Variants in ADGRL3 observed in about 807,000 individuals in gnomAD.
ADGRL3 encodes adhesion G protein-coupled receptor L3, also known as calcium-independent alpha-latrotoxin receptor 3.
In ADGRL3, 62 loss-of-function variants were observed where a neutral mutation model predicts 153.5. The ratio of observed to expected loss-of-function variants is 0.40; its 90% confidence interval spans 0.33 to 0.50. The LOEUF (loss-of-function observed/expected upper bound fraction) is 0.50. Ranked by LOEUF, ADGRL3 falls within the 20% of genes least tolerant of loss-of-function variation. ADGRL3 has a pLI of 0.47. For missense variants in ADGRL3, 1,641 were observed against 1,859.4 expected (o/e 0.88, Z 2.16); for synonymous variants, 710 against 672.5 (o/e 1.06, Z -0.86).
chr4:62,008,148 A>G (rs1197309025), intron 21 of ADGRL3, among the ~76,000 whole-genome samples: 1 of 152,122 alleles, frequency 6.6e-6, no homozygotes, highest in East Asian at 1.9e-4. Context: ...ACCACAGGTA[A>G]AGACAATCTT....
chr4:62,026,909 A>T (rs1299550182), intron 21 of ADGRL3, among the ~76,000 whole-genome samples: 1 of 152,094 alleles, frequency 6.6e-6, no homozygotes, highest in Non-Finnish European at 1.5e-5. Context: ...ATCCCATAGC[A>T]TCATGCTGTG....
At chr4:61,708,122 C>A (rs1485649867) in intron 6 of ADGRL3, among the ~76,000 whole-genome samples, 2 of 152,036 alleles carry the variant, frequency 1.3e-5, no homozygotes, top group African/African-American at 4.8e-5. Flanking sequence ...TTACCGTCTT[C>A]TTTTTGTTTA....
At chr4:62,044,871 C>T (rs902093966) in intron 25 of ADGRL3, among the ~76,000 whole-genome samples, 6 of 151,982 alleles carry the variant, frequency 3.9e-5, no homozygotes, top group African/African-American at 1.4e-4. Context: ...GCTGTATAGT[C>T]GGCTAAGCAT....
At position 61,932,188 on chromosome 4, in the gene ADGRL3, C is replaced by T. The variant is rs560565178; in HGVS notation, c.2113-2652C>T. Among the ~76,000 whole-genome samples, 51 of 151,984 alleles carry T rather than the reference C, an allele frequency of 3.4e-4. No individual in the cohort carries two copies. The South Asian group carries it at 4.2e-3, about 12-fold the overall frequency. Reference sequence around the variant, plus strand: ...TTTGGATGCCTATTATTATTATTACCTAATTGCTCTGGCTAAGGACTTCAA... The same window carrying T: ...TTTGGATGCCTATTATTATTATTACTTAATTGCTCTGGCTAAGGACTTCAA... On this transcript the variant is annotated intron_variant, in intron 13 of 26. Coordinates refer to ENST00000683033, the MANE Select transcript of ADGRL3 (RefSeq NM_001387552.1).
At chr4:61,987,980 C>A (rs925847463) in intron 19 of ADGRL3, among the ~76,000 whole-genome samples, 5 of 151,486 alleles carry the variant, frequency 3.3e-5, no homozygotes, top group African/African-American at 1.2e-4. Context: ...ATTAATGGTA[C>A]GAGATAAAAT....
chr4:61,724,242 T>A (rs1420611242), intron 6 of ADGRL3, among the ~76,000 whole-genome samples: 1 of 152,204 alleles, frequency 6.6e-6, no homozygotes, highest in African/African-American at 2.4e-5. Context: ...ACTTTAAGTA[T>A]TACCAATAAT....
At chr4:61,291,994 A>G (rs970342411) in intron 1 of ADGRL3, among the ~76,000 whole-genome samples, 5 of 150,882 alleles carry the variant, frequency 3.3e-5, no homozygotes, top group Non-Finnish European at 1.5e-5. Flanking sequence ...TTAAAAAGTC[A>G]TGGCATTTTT....
intron 1 of ADGRL3, among the ~76,000 whole-genome samples, chr4:61,381,053 T>A (rs796934031): frequency 1.1e-4 from 17 of 152,104 alleles, no homozygotes; most frequent in African/African-American, 3.9e-4. Flanking sequence ...TATGTAAGCC[T>A]GTCCTTGGTT....
chr4:61,779,818 C>T (rs1418862329), intron 8 of ADGRL3, among the ~76,000 whole-genome samples: 1 of 151,966 alleles, frequency 6.6e-6, no homozygotes, highest in Admixed American at 6.6e-5. Flanking sequence ...TTCTGAATCT[C>T]CTAATGACTA....
intron 4 of ADGRL3, among the ~76,000 whole-genome samples, chr4:61,561,617 T>C (rs980827865): frequency 1.3e-5 from 2 of 152,052 alleles, no homozygotes; most frequent in East Asian, 1.9e-4. Context: ...TAAGTGAATA[T>C]TGGTTAAATC....
chr4:61,954,746 C>T (rs1337078432), intron 17 of ADGRL3, among the ~76,000 whole-genome samples: 1 of 152,106 alleles, frequency 6.6e-6, no homozygotes, highest in African/African-American at 2.4e-5. Flanking sequence ...ACAAGGACAG[C>T]GCTTGCCAAG....
chr4:61,947,059 C>G lies in ADGRL3; in HGVS notation c.2565C>G (p.Asn855Lys), dbSNP rs1467051908. ...CCCCTGTTATTACGGCAGCAATAAA[C>G]AAAGAGTTCAGTAACAAGGTTTATT... ...VNSPVITAAI[N>K]KEFSNKVYLA... The change falls in exon 16 of 27, where the codon AAC (asparagine) becomes AAG (lysine). Residue 855 changes from asparagine (N) to lysine (K), a missense_variant. This residue lies in a region of ADGRL3 where 734 missense variants were observed against 797.0 expected (regional missense o/e 0.92). Coordinates refer to ENST00000683033, the MANE Select transcript of ADGRL3 (RefSeq NM_001387552.1). The G allele has an allele frequency of 6.2e-7, 1 of 1,613,712 alleles. No individual in the cohort carries two copies. The highest frequency in any genetic ancestry group is 1.1e-5 in the South Asian group (1 of 91,074).
chr4:61,566,209 T>A (rs79401477), intron 4 of ADGRL3, among the ~76,000 whole-genome samples: 6,679 of 152,262 alleles, frequency 0.044, 464 homozygotes, highest in African/African-American at 0.15. Context: ...TGCTCAGGGC[T>A]ATGAAGACAA....
intron 20 of ADGRL3, 31 bp downstream of exon 20, chr4:61,996,388 C>A (rs772610182): frequency 7.4e-6 from 11 of 1,490,330 alleles, no homozygotes; most frequent in Non-Finnish European, 1.0e-5. Flanking sequence ...ATGTGTTTCC[C>A]AGATCAAGAA....
intron 6 of ADGRL3, among the ~76,000 whole-genome samples, chr4:61,710,683 T>C (rs972459294): frequency 6.6e-6 from 1 of 152,186 alleles, no homozygotes; most frequent in Admixed American, 6.5e-5. Context: ...CACATCTAAA[T>C]GTCAGAATCT....
At chr4:61,306,328 G>A (rs567877305) in intron 1 of ADGRL3, among the ~76,000 whole-genome samples, 19 of 152,092 alleles carry the variant, frequency 1.2e-4, no homozygotes, top group Admixed American at 3.3e-4. Flanking sequence ...TCAAACTCCT[G>A]ACCTTGTGAT....
intron 1 of ADGRL3, among the ~76,000 whole-genome samples, chr4:61,342,992 GCAGA>G (rs1338733505): frequency 6.6e-6 from 1 of 152,170 alleles, no homozygotes; most frequent in Non-Finnish European, 1.5e-5. Context: ...TCACATGGCA[GCAGA>G]CAAAGAGAGA....
intron 9 of ADGRL3, among the ~76,000 whole-genome samples, chr4:61,838,790 TA>T (rs1258523800): frequency 1.3e-5 from 2 of 152,240 alleles, no homozygotes; most frequent in African/African-American, 4.8e-5. Context: ...TTTTCTTTGT[TA>T]TTTTTTATTG....
chr4:61,813,410 AAAT>A (rs2097652487), intron 8 of ADGRL3, among the ~76,000 whole-genome samples: 1 of 152,178 alleles, frequency 6.6e-6, no homozygotes, highest in East Asian at 1.9e-4. Flanking sequence ...ATAAATAAAT[AAAT>A]AAGAAAGAAA....
Sources: allele counts gnomAD v4.1 joint callset (sites outside exome capture counted in the v4.1 genomes callset), GRCh38; gene constraint gnomAD v4.1.1; regional missense constraint gnomAD v4.1.1; transcripts MANE v1.5; gene names NCBI Gene and HGNC (gene_info 2026-07-23, HGNC 2026-07-21).